RAD51B: variants seen among roughly 807,000 people sequenced by gnomAD.
The protein encoded by RAD51B is DNA repair protein RAD51 homolog 2.
In RAD51B, 38 loss-of-function variants were observed where a neutral mutation model predicts 42.2. That is an observed-to-expected ratio of 0.90 (90% CI 0.70 to 1.18). The LOEUF is 1.18. Ranked by LOEUF, RAD51B falls within the 50% of genes most tolerant of loss-of-function variation. The probability of loss-of-function intolerance (pLI) is 0.00; values close to 1 mark genes in which losing one functional copy is unlikely to be tolerated. For synonymous variants in RAD51B, 154 were observed against 145.2 expected (o/e 1.06, Z -0.43); for missense variants, 373 against 400.7 (o/e 0.93, Z 0.59).
At chr14:68,350,323 C>CT (rs1473950133) in intron 8 of RAD51B, among the ~76,000 whole-genome samples, 1 of 152,172 alleles carries the variant, frequency 6.6e-6, no homozygotes, top group Non-Finnish European at 1.5e-5. Context: ...AAGCAAGGGC[C>CT]TTTTAATTTA....
intron 7 of RAD51B, among the ~76,000 whole-genome samples, chr14:68,225,666 G>A (rs909698576): frequency 6.6e-6 from 1 of 152,220 alleles, no homozygotes; most frequent in African/African-American, 2.4e-5. Flanking sequence ...GTGATAAAAG[G>A]ATTGGGAAAG....
At chr14:68,625,849 C>CTTGGGG (rs1177861108) in intron 10 of RAD51B, among the ~76,000 whole-genome samples, 1 of 152,056 alleles carries the variant, frequency 6.6e-6, no homozygotes, top group East Asian at 1.9e-4. Flanking sequence ...AGGGCTGCCC[C>CTTGGGG]GCAAGAAGCA....
chr14:68,213,753 C>T (rs933335747), intron 7 of RAD51B, among the ~76,000 whole-genome samples: 1 of 151,850 alleles, frequency 6.6e-6, no homozygotes, highest in African/African-American at 2.4e-5. Context: ...GGGTCCTTGA[C>T]CATTATAATC....
At chr14:68,245,493 C>A (rs1407075794) in intron 7 of RAD51B, among the ~76,000 whole-genome samples, 1 of 152,202 alleles carries the variant, frequency 6.6e-6, no homozygotes, top group Non-Finnish European at 1.5e-5. Flanking sequence ...ACCAGAGCTT[C>A]CCAAGAACAG....
chr14:68,225,165 T>C (rs1158020239), intron 7 of RAD51B, among the ~76,000 whole-genome samples: 2 of 152,210 alleles, frequency 1.3e-5, no homozygotes, highest in Non-Finnish European at 2.9e-5. Flanking sequence ...AGGGACAATA[T>C]ATGATAAGTA....
chr14:68,037,839 C>T (rs192872789), intron 7 of RAD51B, among the ~76,000 whole-genome samples: 3 of 152,296 alleles, frequency 2.0e-5, no homozygotes, highest in African/African-American at 7.2e-5. Flanking sequence ...AATGTACTTT[C>T]TGTGTATTTC....
intron 8 of RAD51B, among the ~76,000 whole-genome samples, chr14:68,320,080 G>A (rs12878858): frequency 0.52 from 79,012 of 152,062 alleles, 22,575 homozygotes; most frequent in South Asian, 0.67. Context: ...TGCATGTGAT[G>A]CCCTTAGATT....
At chr14:68,495,191 G>T (rs1450133196) in intron 10 of RAD51B, among the ~76,000 whole-genome samples, 1 of 152,092 alleles carries the variant, frequency 6.6e-6, no homozygotes, top group Non-Finnish European at 1.5e-5. Context: ...CTTCTCCTGG[G>T]CATGACTGCC....
intron 4 of RAD51B, among the ~76,000 whole-genome samples, chr14:67,850,366 G>GT (rs879914733): frequency 6.6e-6 from 1 of 152,122 alleles, no homozygotes; most frequent in Middle Eastern, 3.4e-3. Context: ...TATTATTATT[G>GT]TTTTTTCCCC....
At chr14:68,014,707 T>G (rs923322207) in intron 7 of RAD51B, among the ~76,000 whole-genome samples, 4 of 151,668 alleles carry the variant, frequency 2.6e-5, no homozygotes, top group African/African-American at 9.7e-5. Flanking sequence ...AATAAATAAA[T>G]AAATAAATAA....
Position 68,478,015 on chromosome 14 carries a change from C to T in RAD51B, c.*351C>T, listed in dbSNP as rs958783144. The T allele has an allele frequency of 3.6e-6, 4 of 1,099,296 alleles. No homozygotes were observed. The African/African-American group carries it at 6.5e-5, about 18-fold the overall frequency. 68.1% of individuals were successfully genotyped at this position (1,099,296 alleles called of 1,614,324 possible). The stretch of plus-strand genomic sequence containing the variant: ...TAATTAATTAAAGCCCACAATCCTC[C>T]TGGGGAGAGGAGGAGGATGACTAAC... On this transcript the variant is annotated 3_prime_UTR_variant, in exon 11 of 11. Transcript: ENST00000471583.
At chr14:68,463,247 G>C (rs2085891011) in intron 9 of RAD51B, among the ~76,000 whole-genome samples, 1 of 152,126 alleles carries the variant, frequency 6.6e-6, no homozygotes, top group Non-Finnish European at 1.5e-5. Flanking sequence ...ATCAAAAAAA[G>C]GGAGGAATCT....
chr14:68,549,134 A>G (rs1298918957), intron 10 of RAD51B, among the ~76,000 whole-genome samples: 1 of 152,034 alleles, frequency 6.6e-6, no homozygotes, highest in Non-Finnish European at 1.5e-5. Flanking sequence ...GCCACCAGAT[A>G]GTCTCCCAGC....
intron 9 of RAD51B, chr14:68,421,814 C>T: frequency 6.3e-7 from 1 of 1,596,990 alleles, no homozygotes; most frequent in Non-Finnish European, 8.5e-7. Context: ...TGCCAAAGAG[C>T]ACGTGCTTGC....
chr14:68,055,920 G>A (rs1277767493), intron 7 of RAD51B, among the ~76,000 whole-genome samples: 1 of 152,194 alleles, frequency 6.6e-6, no homozygotes, highest in African/African-American at 2.4e-5. Flanking sequence ...CTACCCAAGA[G>A]CATGAGCATC....
exon 11 of RAD51B, chr14:68,595,479 C>T (rs1221033591): frequency 6.6e-6 from 7 of 1,066,532 alleles, no homozygotes; most frequent in African/African-American, 1.6e-5. Context: ...CCACTCCTAG[C>T]TTGAGTAGAT....
intron 9 of RAD51B, among the ~76,000 whole-genome samples, chr14:68,467,661 C>A (rs2086018087): frequency 6.6e-6 from 1 of 152,248 alleles, no homozygotes; most frequent in Admixed American, 6.5e-5. Context: ...ATGCTCTACA[C>A]CTTAAGTAAT....
intron 7 of RAD51B, among the ~76,000 whole-genome samples, chr14:68,020,285 A>T (rs1269407804): frequency 6.6e-6 from 1 of 151,518 alleles, no homozygotes; most frequent in African/African-American, 2.4e-5. Flanking sequence ...AATTTTTTAT[A>T]TTTTTCGTAG....
At chr14:68,250,651 A>G (rs1456366172) in intron 7 of RAD51B, among the ~76,000 whole-genome samples, 9 of 152,228 alleles carry the variant, frequency 5.9e-5, no homozygotes, top group Admixed American at 1.3e-4. Flanking sequence ...GAACAGGCCT[A>G]TGGGTGTTGC....
Sources: gnomAD v4.1 joint callset for allele counts (sites outside exome capture counted in the v4.1 genomes callset) on GRCh38, gnomAD v4.1.1 for gene constraint, MANE v1.5 for transcripts, NCBI Gene and HGNC (gene_info 2026-07-23, HGNC 2026-07-21) for gene names.